The following ANK3 variants were observed in gnomAD, a reference collection of about 807,000 sequenced individuals.
ANK3 encodes the protein ankyrin 3, also known as ankyrin-3.
ANK3 carries 57 observed loss-of-function variants against 370.9 expected under a neutral mutation model. The ratio of observed to expected loss-of-function variants is 0.15; its 90% confidence interval spans 0.12 to 0.19. The LOEUF is 0.19. ANK3 is among the 10% of genes least tolerant of loss of function. The pLI is 1.00. For missense variants in ANK3, 4,439 were observed against 5,302.1 expected, an observed-to-expected ratio of 0.84 and a Z score of 5.06; for synonymous variants, 1,929 against 1,946.3, an observed-to-expected ratio of 0.99 and a Z score of 0.23.
intron 43 of ANK3, among the ~76,000 whole-genome samples, chr10:60,031,664 T>C (rs1346087429): frequency 6.6e-6 from 1 of 152,186 alleles, no homozygotes; most frequent in Admixed American, 6.5e-5. Flanking sequence ...CGACTTCTCT[T>C]GGGGCCCAGG....
intron 2 of ANK3, among the ~76,000 whole-genome samples, chr10:60,412,746 C>T (rs779533464): frequency 6.6e-6 from 1 of 152,150 alleles, no homozygotes; most frequent in African/African-American, 2.4e-5. Context: ...TAATTACACC[C>T]AGCACAGAGA....
intron 1 of ANK3, among the ~76,000 whole-genome samples, chr10:60,310,772 T>C (rs1039063191): frequency 6.6e-6 from 1 of 152,120 alleles, no homozygotes. Flanking sequence ...ACTGAAATAA[T>C]TTTTTTCCCA....
At chr10:60,615,630 A>G (rs563651600) in intron 1 of ANK3, among the ~76,000 whole-genome samples, 1 of 152,336 alleles carries the variant, frequency 6.6e-6, no homozygotes, top group African/African-American at 2.4e-5. Context: ...TGGCATCAGA[A>G]AACATTTTCC....
At position 60,082,156 on chromosome 10, in the gene ANK3, A is replaced by T; in HGVS notation, c.4344T>A (p.Asp1448Glu). 1 of 1,610,680 alleles carries T rather than the reference A, an allele frequency of 6.2e-7. No individual in the cohort carries two copies. The highest frequency in any genetic ancestry group is 8.5e-7 in the Non-Finnish European group (1 of 1,178,184). The change falls in exon 35 of 44, where the codon GAT becomes GAA. Residue 1448 changes from aspartate (D) to glutamate (E), a missense_variant. Coordinates refer to ENST00000280772, the MANE Select transcript of ANK3 (RefSeq NM_020987.5). ...AHKKETESDQDDEIEKTDRRQ... is the reference protein window; with the variant it reads ...AHKKETESDQEDEIEKTDRRQ... ...GCAGAAGTGTTTATATTACCTCATC[A>T]TCTTGATCTGACTCTGTCTCCTTTT...
In ANK3 at chr10:60,288,337, A is replaced by G. The variant is rs191022136; in HGVS notation, c.115-8698T>C. On this transcript the variant is annotated intron_variant, in intron 1 of 43. Coordinates refer to ENST00000280772, the MANE Select transcript of ANK3 (RefSeq NM_020987.5). Reference sequence around the variant, plus strand: ...TGGTCTGTTCTGCTTAGGATCACATATCCTACAGAGATGGATGATAATCTT... The same window carrying G: ...TGGTCTGTTCTGCTTAGGATCACATGTCCTACAGAGATGGATGATAATCTT... Among the ~76,000 whole-genome samples, 263 of 152,308 alleles carry G rather than the reference A, an allele frequency of 1.7e-3. 2 individuals are homozygous for G. Among genetic ancestry groups the G allele is most frequent in the Middle Eastern group, 0.01 (3 of 294 alleles).
chr10:60,271,957 T>A (rs184168315), intron 4 of ANK3, among the ~76,000 whole-genome samples: 1 of 151,316 alleles, frequency 6.6e-6, no homozygotes, highest in Non-Finnish European at 1.5e-5. Flanking sequence ...GAATGCAACA[T>A]CACATTCAAT....
intron 1 of ANK3, among the ~76,000 whole-genome samples, chr10:60,725,331 C>T (rs553765990): frequency 2.6e-5 from 4 of 152,284 alleles, no homozygotes; most frequent in Middle Eastern, 3.4e-3. Flanking sequence ...TCCCCTCCAC[C>T]ACTAATAACA....
chr10:60,107,150 A>C (rs1473508793), intron 27 of ANK3, among the ~76,000 whole-genome samples: 1 of 152,186 alleles, frequency 6.6e-6, no homozygotes, highest in African/African-American at 2.4e-5. Context: ...TTTTAGCAAA[A>C]TCATAATTCA....
At chr10:60,722,907 G>A (rs557642381) in intron 1 of ANK3, among the ~76,000 whole-genome samples, 16 of 152,226 alleles carry the variant, frequency 1.1e-4, no homozygotes, top group Middle Eastern at 6.8e-3. Flanking sequence ...TGCCAACACC[G>A]TGCTTCCTGT....
intron 1 of ANK3, among the ~76,000 whole-genome samples, chr10:60,683,182 C>T (rs976430409): frequency 2.0e-5 from 3 of 152,172 alleles, no homozygotes; most frequent in Admixed American, 2.0e-4. Context: ...AGAAAACTCA[C>T]GGTTTGACAA....
intron 16 of ANK3, among the ~76,000 whole-genome samples, chr10:60,195,760 T>C (rs757746179): frequency 5.9e-5 from 9 of 152,206 alleles, no homozygotes; most frequent in Non-Finnish European, 1.2e-4. Flanking sequence ...CCTATTTTAC[T>C]AAATGCAAAT....
intron 1 of ANK3, among the ~76,000 whole-genome samples, chr10:60,648,728 C>G (rs544392641): frequency 6.9e-6 from 1 of 145,318 alleles, no homozygotes; most frequent in East Asian, 2.1e-4. Flanking sequence ...TGAGTTCACG[C>G]CACTGAACTC....
At chr10:60,348,347 CAAAAAAAAAA>C (rs35147179) in intron 1 of ANK3, among the ~76,000 whole-genome samples, 3 of 68,172 alleles carry the variant, frequency 4.4e-5, no homozygotes, top group South Asian at 4.7e-4. Context: ...TATCACTAGC[CAAAAAAAAAA>C]AAAAAAAAAA....
At chr10:60,585,629 C>T (rs1419619706) in intron 2 of ANK3, among the ~76,000 whole-genome samples, 1 of 152,166 alleles carries the variant, frequency 6.6e-6, no homozygotes, top group East Asian at 1.9e-4. Flanking sequence ...GTAAAGGAAA[C>T]AACAAGGTTT....
intron 21 of ANK3, 52 bp from the exon 22 acceptor site, chr10:60,166,948 G>A: frequency 1.4e-6 from 2 of 1,436,116 alleles, no homozygotes; most frequent in Non-Finnish European, 2.0e-6. Context: ...ACATTTTAAT[G>A]GGTCTTTTCA....
At chr10:60,616,027 C>T (rs1056892103) in intron 1 of ANK3, among the ~76,000 whole-genome samples, 8 of 152,196 alleles carry the variant, frequency 5.3e-5, no homozygotes, top group African/African-American at 1.9e-4. Flanking sequence ...TTGAAGTTAA[C>T]TCTAACTACA....
intron 2 of ANK3, among the ~76,000 whole-genome samples, chr10:60,402,699 T>A (rs2063375984): frequency 6.6e-6 from 1 of 152,174 alleles, no homozygotes; most frequent in Non-Finnish European, 1.5e-5. Flanking sequence ...AGCTACCATG[T>A]CAAAAAGCCT....
chr10:60,479,671 G>A (rs1011008793), intron 2 of ANK3, among the ~76,000 whole-genome samples: 3 of 151,770 alleles, frequency 2.0e-5, no homozygotes, highest in African/African-American at 4.8e-5. Context: ...CTGAAACACC[G>A]AGAAGTGGAG....
chr10:60,430,039 A>C (rs1004830254), intron 2 of ANK3, among the ~76,000 whole-genome samples: 14 of 152,366 alleles, frequency 9.2e-5, no homozygotes, highest in African/African-American at 3.4e-4. Flanking sequence ...AGTAGTAAAC[A>C]ATCATATGAA....
Sources: allele counts gnomAD v4.1 joint callset (sites outside exome capture counted in the v4.1 genomes callset), GRCh38; gene constraint gnomAD v4.1.1; transcripts MANE v1.5; gene names NCBI Gene and HGNC (gene_info 2026-07-23, HGNC 2026-07-21).